FAR2: variants seen among roughly 807,000 people sequenced by gnomAD.
The protein encoded by FAR2 is epididymis secretory protein Li 81.
In FAR2, 19 loss-of-function variants were observed where a neutral mutation model predicts 56.0. The ratio of observed to expected loss-of-function variants is 0.34; its 90% CI spans 0.24 to 0.50. The LOEUF (loss-of-function observed/expected upper bound fraction) is 0.50, where lower values mean the gene tolerates loss of function less well. Ranked by LOEUF, FAR2 falls within the 20% of genes least tolerant of loss-of-function variation. FAR2 has a pLI of 0.98. For synonymous variants in FAR2, 219 were observed against 218.8 expected, an observed-to-expected ratio of 1.00 and a Z score of -0.01; for missense variants, 508 against 642.2, an observed-to-expected ratio of 0.79 and a Z score of 2.26.
At chr12:29,211,502 A>G (rs1947548219) in intron 1 of FAR2, among the ~76,000 whole-genome samples, 2 of 152,190 alleles carry the variant, frequency 1.3e-5, no homozygotes, top group Non-Finnish European at 2.9e-5. Flanking sequence ...TTAGAAAACT[A>G]TATTCAGAAA....
chr12:29,279,400 T>A (rs1313080034), intron 2 of FAR2, among the ~76,000 whole-genome samples: 1 of 152,256 alleles, frequency 6.6e-6, no homozygotes, highest in Non-Finnish European at 1.5e-5. Flanking sequence ...CAATAGGTCA[T>A]CCTCTACCCT....
intron 1 of FAR2, among the ~76,000 whole-genome samples, chr12:29,150,746 A>G (rs1949675763): frequency 6.6e-6 from 1 of 152,188 alleles, no homozygotes; most frequent in South Asian, 2.1e-4. Context: ...AGTATTTCTC[A>G]GGATCCACGT....
chr12:29,230,649 G>C (rs1311226936), intron 1 of FAR2, among the ~76,000 whole-genome samples: 1 of 152,090 alleles, frequency 6.6e-6, no homozygotes, highest in East Asian at 1.9e-4. Flanking sequence ...GGTACAAGCA[G>C]AGATGGTGAG....
At chr12:29,221,015 T>C (rs1002661758) in intron 1 of FAR2, among the ~76,000 whole-genome samples, 1 of 152,102 alleles carries the variant, frequency 6.6e-6, no homozygotes, top group Non-Finnish European at 1.5e-5. Context: ...GAGGGGCTAC[T>C]GGCGCAGTGT....
At chr12:29,161,634 G>A (rs562715395) in intron 1 of FAR2, among the ~76,000 whole-genome samples, 2 of 151,918 alleles carry the variant, frequency 1.3e-5, no homozygotes, top group South Asian at 2.1e-4. Context: ...TTAAACATAC[G>A]TACACATTTC....
At chr12:29,176,471 C>T (rs990596207) in intron 1 of FAR2, among the ~76,000 whole-genome samples, 2 of 151,650 alleles carry the variant, frequency 1.3e-5, no homozygotes, top group African/African-American at 2.4e-5. Flanking sequence ...TTTTTTTCAA[C>T]TGGGAAAAGA....
chr12:29,248,734 C>A (rs1348809158), intron 1 of FAR2, among the ~76,000 whole-genome samples: 1 of 152,176 alleles, frequency 6.6e-6, no homozygotes, highest in Non-Finnish European at 1.5e-5. Context: ...ATCTATTTCA[C>A]CCCTGCAGTC....
intron 1 of FAR2, among the ~76,000 whole-genome samples, chr12:29,257,143 C>T (rs982707748): frequency 6.6e-6 from 1 of 152,182 alleles, no homozygotes; most frequent in Non-Finnish European, 1.5e-5. Context: ...TTGTGTCTAG[C>T]TCAGGGATTG....
chr12:29,268,155 T>C (rs989192670), intron 1 of FAR2, among the ~76,000 whole-genome samples: 3 of 152,018 alleles, frequency 2.0e-5, no homozygotes, highest in Admixed American at 2.0e-4. Context: ...TGGACCAGAG[T>C]TGGAGAGCAG....
At chr12:29,209,692 C>CTCTG (rs1555109039) in intron 1 of FAR2, among the ~76,000 whole-genome samples, 1 of 149,082 alleles carries the variant, frequency 6.7e-6, no homozygotes, top group Non-Finnish European at 1.5e-5. Flanking sequence ...GATGTCTGCT[C>CTCTG]TGTGTGTGTG....
At chr12:29,307,976 G>A (rs1949281007) in intron 5 of FAR2, 141 bp downstream of exon 5, 1 of 876,954 alleles carries the variant, frequency 1.1e-6, no homozygotes, top group South Asian at 2.0e-5. Flanking sequence ...CATTATACTA[G>A]GGCAAAATTC....
At chr12:29,195,739 C>T (rs1312762672) in intron 1 of FAR2, among the ~76,000 whole-genome samples, 7 of 152,082 alleles carry the variant, frequency 4.6e-5, no homozygotes, top group Admixed American at 3.9e-4. Context: ...AGTGCCAGTG[C>T]ACTCCTTTCA....
At chr12:29,191,842 A>C (rs575825208) in intron 1 of FAR2, among the ~76,000 whole-genome samples, 1 of 152,366 alleles carries the variant, frequency 6.6e-6, no homozygotes, top group Admixed American at 6.5e-5. Context: ...GAATGAAGAA[A>C]GCTTGATTCC....
chr12:29,316,736 G>A, intron 8 of FAR2, 105 bp from the exon 9 acceptor site: 1 of 1,161,928 alleles, frequency 8.6e-7, no homozygotes, highest in Non-Finnish European at 1.2e-6. Flanking sequence ...ACTCTACACA[G>A]CAAATCCTTC....
intron 1 of FAR2, among the ~76,000 whole-genome samples, chr12:29,205,349 C>G (rs893805280): frequency 1.3e-5 from 2 of 152,156 alleles, no homozygotes; most frequent in African/African-American, 2.4e-5. Flanking sequence ...AAGAACATGT[C>G]TGATAATTTC....
intron 10 of FAR2, among the ~76,000 whole-genome samples, chr12:29,329,266 G>A (rs1331470438): frequency 2.6e-5 from 4 of 152,068 alleles, no homozygotes; most frequent in African/African-American, 7.2e-5. Flanking sequence ...TTAAAATTTA[G>A]CTTTAAACTC....
chr12:29,240,891 C>T (rs1008937279), intron 1 of FAR2, among the ~76,000 whole-genome samples: 6 of 152,120 alleles, frequency 3.9e-5, no homozygotes, highest in East Asian at 1.9e-4. Flanking sequence ...CTGCAGCCTC[C>T]GCTTCCTGGG....
chr12:29,212,425 CTCT>C (rs1316590927), intron 1 of FAR2, among the ~76,000 whole-genome samples: 2 of 152,164 alleles, frequency 1.3e-5, no homozygotes, highest in South Asian at 2.1e-4. Flanking sequence ...GCTCTAACTG[CTCT>C]TCTCTGTCCT....
At chr12:29,277,101 C>T (rs1358378625) in intron 2 of FAR2, among the ~76,000 whole-genome samples, 1 of 152,114 alleles carries the variant, frequency 6.6e-6, no homozygotes, top group Non-Finnish European at 1.5e-5. Flanking sequence ...CCTCAGCCTC[C>T]CGAGTAGCTG....
Sources: allele counts gnomAD v4.1 joint callset (sites outside exome capture counted in the v4.1 genomes callset), GRCh38; gene constraint gnomAD v4.1.1; transcripts MANE v1.5; gene names NCBI Gene and HGNC (gene_info 2026-07-23, HGNC 2026-07-21).